Variants in EIF2B2 observed in about 807,000 individuals in gnomAD.
EIF2B2 encodes the protein eukaryotic translation initiation factor 2B subunit beta, also known as translation initiation factor eIF2B subunit beta.
Under a neutral mutation model 34.7 loss-of-function variants are expected in EIF2B2, and 34 were observed. The ratio of observed to expected loss-of-function variants is 0.98; its 90% CI spans 0.75 to 1.31. The LOEUF (loss-of-function observed/expected upper bound fraction) is 1.31. Ranked by LOEUF, EIF2B2 falls within the 50% of genes most tolerant of loss-of-function variation. EIF2B2 has a pLI of 0.00. For synonymous variants in EIF2B2, 155 were observed against 171.6 expected (o/e 0.90, Z 0.76); for missense variants, 361 against 447.7 (o/e 0.81, Z 1.75).
chr14:75,009,354 G>C lies in EIF2B2; in HGVS notation c.*166G>C. 1 of 769,470 alleles carries C rather than the reference G, an allele frequency of 1.3e-6. No individual in the cohort carries two copies. Among genetic ancestry groups the C allele is most frequent in the East Asian group, 2.6e-5 (1 of 39,132 alleles). 47.7% of individuals were successfully genotyped at this position (769,470 alleles called of 1,614,324 possible). ...TGCCTTTTTAGTCACCCCGTAACAAGGGCACACATCCAGGACTGTGTCTTG... is the reference window on the plus strand; with the variant it reads ...TGCCTTTTTAGTCACCCCGTAACAACGGCACACATCCAGGACTGTGTCTTG... On this transcript the variant is annotated 3_prime_UTR_variant, in exon 8 of 8. Coordinates refer to ENST00000266126, the MANE Select transcript of EIF2B2 (RefSeq NM_014239.4).
rs1334152568 is a variant in EIF2B2 at position 75,003,029 on chromosome 14, G to A, written c.39G>A (p.Glu13=). 1 of 1,614,052 alleles carries A rather than the reference G, an allele frequency of 6.2e-7. No individual in the cohort carries two copies. The highest frequency in any genetic ancestry group is 8.5e-7 in the Non-Finnish European group (1 of 1,180,042). Residue 13 remains glutamate (E), a synonymous_variant, in exon 1 of 8, where the codon GAG becomes GAA. Coordinates refer to ENST00000266126, the MANE Select transcript of EIF2B2 (RefSeq NM_014239.4). ...CAGCGAAGGGCTCGGAGTTGTCAGAGAGGATCGAGAGCTTCGTGGAGACCC... is the reference window on the plus strand; with the variant it reads ...CAGCGAAGGGCTCGGAGTTGTCAGAAAGGATCGAGAGCTTCGTGGAGACCC... ...GSAAKGSELS[E]RIESFVETLK...
Position 75,010,438 on chromosome 14 carries a change from A to G in EIF2B2, c.*1250A>G, listed in dbSNP as rs1256301769. On this transcript the variant is annotated 3_prime_UTR_variant, in exon 8 of 8. Transcript: ENST00000266126. The stretch of plus-strand genomic sequence containing the variant: ...TGACAGTTACACCGTGGAACATTAT[A>G]CATGGCAATAGAAGTTTCAAAAGGA... 2 of 152,248 alleles carry G rather than the reference A, an allele frequency of 1.3e-5. No individual in the cohort carries two copies. The highest frequency in any genetic ancestry group is 2.9e-5 in the Non-Finnish European group (2 of 68,054). 9.4% of individuals were successfully genotyped at this position (152,248 alleles called of 1,614,324 possible).
chr14:75,007,739 CTCATT>C lies in EIF2B2; in HGVS notation c.854_858del (p.Phe285Ter). On this transcript the variant is annotated frameshift_variant, in exon 7 of 8. Transcript: ENST00000266126. LOFTEE classifies it high-confidence loss of function. ...CTTTTTAGTTCCCCAATGAAGAAGA[CTCATT>C]TCATAAGTTTGTGGCTCCTGAAGAA... The C allele has an allele frequency of 6.2e-7, 1 of 1,613,862 alleles. No individual in the cohort carries two copies. The highest frequency in any genetic ancestry group is 8.5e-7 in the Non-Finnish European group (1 of 1,179,892).
At chr14:75,004,689 A>ATGTTTTTTTTTTT in intron 3 of EIF2B2, 48 bp from the exon 4 acceptor site, 1 of 146,204 alleles carries the variant, frequency 6.8e-6, no homozygotes, top group Admixed American at 1.2e-4. Context: ...ATATATATAT[A>ATGTTTTTTTTTTT]TTTTTTTTTT....
chr14:75,005,252 C>T (rs1322864491), intron 4 of EIF2B2: 3 of 345,440 alleles, frequency 8.7e-6, no homozygotes, highest in Non-Finnish European at 1.7e-5. Flanking sequence ...TGGCACATGC[C>T]TGTAATCCCA....
rs1323931526 is a variant in EIF2B2, at chr14:75,004,740, G to C, written c.437G>C (p.Gly146Ala). 2 of 1,379,892 alleles carry C rather than the reference G, an allele frequency of 1.4e-6. No individual in the cohort carries two copies. The highest frequency in any genetic ancestry group is 2.5e-5 in the East Asian group (1 of 40,124). 85.5% of individuals were successfully genotyped at this position (1,379,892 alleles called of 1,614,324 possible). A position where few individuals can be genotyped will look rare whatever the true frequency, so the allele number is the denominator to read the frequency against. Residue 146 changes from glycine to alanine, a missense_variant, in exon 4 of 8, where the codon GGG becomes GCG. Physicochemically the swap from Gly to Ala is moderately conservative, Grantham distance 60. Coordinates refer to ENST00000266126, the MANE Select transcript of EIF2B2 (RefSeq NM_014239.4). ...TTTTGCAAAACCGTTCTTACAGAAGGGACAATGGAGAACATTGCAGCCCAG... is the reference window on the plus strand; with the variant it reads ...TTTTGCAAAACCGTTCTTACAGAAGCGACAATGGAGAACATTGCAGCCCAG... ...AINELLVELE[G>A]TMENIAAQAL...
At chr14:75,005,587 G>A (rs890347589) in intron 4 of EIF2B2, among the ~76,000 whole-genome samples, 1 of 152,156 alleles carries the variant, frequency 6.6e-6, no homozygotes, top group Non-Finnish European at 1.5e-5. Flanking sequence ...GTCAGCAATC[G>A]TGATTATATT....
chr14:75,003,247 C>G (rs773949162), intron 1 of EIF2B2, 28 bp from the exon 2 acceptor site: 1 of 1,613,490 alleles, frequency 6.2e-7, no homozygotes, highest in South Asian at 1.1e-5. Flanking sequence ...GCGTTGGCTC[C>G]TCTTATCCTC....
At chr14:75,003,881 C>T (rs1889580811) in intron 3 of EIF2B2, among the ~76,000 whole-genome samples, 182 bp downstream of exon 3, 1 of 152,214 alleles carries the variant, frequency 6.6e-6, no homozygotes, top group Non-Finnish European at 1.5e-5. Context: ...ATCCTCTCTA[C>T]TTTTCCTTAC....
chr14:75,007,623 T>C, intron 6 of EIF2B2, 99 bp from the exon 7 acceptor site: 2 of 1,015,254 alleles, frequency 2.0e-6, no homozygotes, highest in East Asian at 2.5e-5. Context: ...AGCATCTGTG[T>C]ATAAGTTTTC....
chr14:75,005,594 T>C (rs1212354238), intron 4 of EIF2B2, among the ~76,000 whole-genome samples: 3 of 152,222 alleles, frequency 2.0e-5, no homozygotes, highest in African/African-American at 7.2e-5. Context: ...ATCGTGATTA[T>C]ATTATACATG....
rs1889632245 is a variant in EIF2B2 at position 75,006,768 on chromosome 14, G to A, written c.831+54G>A. ...CAGCAGAAAAGAAGGAAGCCAAAGGGTAGGCTTGAACTCTGGGACTTCAAC... is the reference window on the plus strand; with the variant it reads ...CAGCAGAAAAGAAGGAAGCCAAAGGATAGGCTTGAACTCTGGGACTTCAAC... On this transcript the variant is annotated intron_variant, in intron 6 of 7. Transcript: ENST00000266126. The surrounding 1 kb of genome is among the most constrained non-coding windows in gnomAD (Gnocchi z 4.1). The A allele has an allele frequency of 1.9e-6, 3 of 1,611,344 alleles. No individual in the cohort carries two copies. The highest frequency in any genetic ancestry group is 1.1e-5 in the South Asian group (1 of 91,050).
intron 7 of EIF2B2, among the ~76,000 whole-genome samples, chr14:75,008,653 A>G (rs1889661425): frequency 1.3e-5 from 2 of 152,224 alleles, no homozygotes; most frequent in African/African-American, 4.8e-5. Flanking sequence ...AGAGTCCACC[A>G]TATGAAGATC....
Position 75,002,984 on chromosome 14 carries a change from C to G in EIF2B2, c.-7C>G. ...GCCGGTGAAGGCTGAAGGCAGCTAC[C>G]TTAAAGATGCCGGGATCCGCAGCGA... On this transcript the variant is annotated 5_prime_UTR_variant, in exon 1 of 8. Transcript: ENST00000266126. 1.2e-6 allele frequency: 2 copies of G among 1,614,034 alleles called. No individual in the cohort carries two copies. The highest frequency in any genetic ancestry group is 1.1e-5 in the South Asian group (1 of 91,086).
At position 75,002,995 on chromosome 14, in the gene EIF2B2, C is replaced by G; in HGVS notation, c.5C>G (p.Pro2Arg). Residue 2 changes from proline (P) to arginine (R), a missense_variant, in exon 1 of 8, where the codon CCG (proline) becomes CGG (arginine). Physicochemically the swap from Pro to Arg is moderately radical, Grantham distance 103. Coordinates refer to ENST00000266126, the MANE Select transcript of EIF2B2 (RefSeq NM_014239.4). Reference sequence around the variant, plus strand: ...CTGAAGGCAGCTACCTTAAAGATGCCGGGATCCGCAGCGAAGGGCTCGGAG... The same window carrying G: ...CTGAAGGCAGCTACCTTAAAGATGCGGGGATCCGCAGCGAAGGGCTCGGAG... M[P>R]GSAAKGSELS... The G allele has an allele frequency of 1.2e-6, 2 of 1,614,046 alleles. No homozygotes were observed. The highest frequency in any genetic ancestry group is 1.7e-6 in the Non-Finnish European group (2 of 1,180,010).
chr14:75,009,233 T>C lies in EIF2B2; in HGVS notation c.*45T>C. 1 of 1,610,530 alleles carries C rather than the reference T, an allele frequency of 6.2e-7. No individual in the cohort carries two copies. The highest frequency in any genetic ancestry group is 8.5e-7 in the Non-Finnish European group (1 of 1,177,492). The stretch of plus-strand genomic sequence containing the variant: ...GCAGATTGCTTAGGCAGATACAGAA[T>C]GAAGAGGAGACTTGAGTGTTGCTGC... On this transcript the variant is annotated 3_prime_UTR_variant, in exon 8 of 8. Transcript: ENST00000266126.
At position 75,009,064 on chromosome 14, in the gene EIF2B2, CT is replaced by C. The variant is rs1227423131; in HGVS notation, c.933del (p.Val312CysfsTer28). The C allele has an allele frequency of 1.2e-6, 2 of 1,614,060 alleles. No individual in the cohort carries two copies. Among genetic ancestry groups the C allele is most frequent in the South Asian group, 2.2e-5 (2 of 91,080 alleles). ...CTGGAGAAGGTCAGCGTGCATTGCC[CT>C]GTGTTTGACTACGTTCCCCCAGAGC... ...DILEKVSVHCPVFDYVPPELI... is the reference protein window; with the variant it reads ...DILEKVSVHCXVFDYVPPELI... On this transcript the variant is annotated frameshift_variant, in exon 8 of 8. Coordinates refer to ENST00000266126, the MANE Select transcript of EIF2B2 (RefSeq NM_014239.4). LOFTEE classifies it high-confidence loss of function.
rs544475887 is a variant in EIF2B2 at position 75,008,083 on chromosome 14, T to C, written c.898+295T>C. 9.3e-3 allele frequency: 1,144 copies of C among 123,524 alleles called. 16 individuals carry two copies. The highest frequency in any genetic ancestry group is 0.06 in the African/African-American group (1,082 of 18,116). 7.7% of individuals were successfully genotyped at this position (123,524 alleles called of 1,614,324 possible). ...TTGGCTTTGCATGCTGTTTGAGATATAGACAACAACCAGTTGGGAAAATGT... is the reference window on the plus strand; with the variant it reads ...TTGGCTTTGCATGCTGTTTGAGATACAGACAACAACCAGTTGGGAAAATGT... On this transcript the variant is annotated intron_variant, in intron 7 of 7. Coordinates refer to ENST00000266126, the MANE Select transcript of EIF2B2 (RefSeq NM_014239.4).
chr14:75,011,803 T>G lies in EIF2B2; in HGVS notation c.*2615T>G, dbSNP rs912830336. The G allele has an allele frequency of 6.6e-6, 1 of 152,102 alleles. No individual in the cohort carries two copies. Among genetic ancestry groups the G allele is most frequent in the African/African-American group, 2.4e-5 (1 of 41,406 alleles). 9.4% of individuals were successfully genotyped at this position (152,102 alleles called of 1,614,324 possible). ...CTAACAGCAATTCACTTGGGTACAA[T>G]TGTGTGGTTTGGAGTAAGAGCAGCA... On this transcript the variant is annotated 3_prime_UTR_variant, in exon 8 of 8. Transcript: ENST00000266126.
Sources: gnomAD v4.1 joint callset for allele counts (sites outside exome capture counted in the v4.1 genomes callset) on GRCh38, gnomAD v4.1.1 for gene constraint, Gnocchi (gnomAD v3.1) non-coding constraint, MANE v1.5 for transcripts, NCBI Gene and HGNC (gene_info 2026-07-23, HGNC 2026-07-21) for gene names.